The following MYBPC1 variants were observed in gnomAD, a reference collection of about 807,000 sequenced individuals.
MYBPC1 encodes myosin-binding protein C, slow-type.
Under a neutral mutation model 147.1 loss-of-function variants are expected in MYBPC1, and 52 were observed. The ratio of observed to expected loss-of-function variants is 0.35; its 90% CI spans 0.28 to 0.45. The LOEUF is 0.45. Ranked by LOEUF, MYBPC1 falls within the 20% of genes least tolerant of loss-of-function variation. The pLI is 1.00. For missense variants in MYBPC1, 1,228 were observed against 1,440.3 expected (o/e 0.85, Z 2.39); for synonymous variants, 477 against 475.9 (o/e 1.00, Z -0.03).
chr12:101,632,781 A>G (rs1628457), intron 8 of MYBPC1, among the ~76,000 whole-genome samples: 94,938 of 152,156 alleles, frequency 0.62, 30,849 homozygotes, highest in African/African-American at 0.8. Context: ...CCAGGCTAGA[A>G]TCTAGTGGCA....
At position 101,659,740 on chromosome 12, in the gene MYBPC1, T is replaced by C. The variant is rs754139010; in HGVS notation, c.1836T>C (p.Asp612=). 16 of 1,614,124 alleles carry C rather than the reference T, an allele frequency of 9.9e-6. No individual in the cohort carries two copies. The highest frequency in any genetic ancestry group is 1.4e-5 in the Non-Finnish European group (16 of 1,179,976). The change falls in exon 19 of 32, where the codon GAT becomes GAC. Residue 612 remains aspartate (D), a synonymous_variant. Coordinates refer to ENST00000361466, the MANE Select transcript of MYBPC1 (RefSeq NM_002465.4). ...CTGATAGCAGCACTCTGGTCATTGA[T>C]ATAGCTGAAAGAGATGACTCTGGTG... ...SYPDSSTLVI[D]IAERDDSGVY... is the part of the protein sequence containing the mutation.
At chr12:101,631,483 G>GTGACA (rs752754686) in intron 6 of MYBPC1, 88 bp from the exon 7 acceptor site, 41,975 of 1,413,504 alleles carry the variant, frequency 0.03, 2,641 homozygotes, top group East Asian at 0.28. Context: ...ATATTCTGTA[G>GTGACA]TGCAGTCCCA....
chr12:101,631,137 C>T (rs1006833026), intron 6 of MYBPC1, among the ~76,000 whole-genome samples: 10 of 151,984 alleles, frequency 6.6e-5, no homozygotes, highest in African/African-American at 2.2e-4. Context: ...CTTCTCATCA[C>T]CTTGCCTAAT....
At chr12:101,648,803 A>G (rs187586594) in intron 14 of MYBPC1, among the ~76,000 whole-genome samples, 27 of 152,358 alleles carry the variant, frequency 1.8e-4, no homozygotes, top group Admixed American at 1.8e-3. Context: ...TAATCTTAAA[A>G]TTAAAAACTA....
chr12:101,683,141 A>G (rs11110961), intron 30 of MYBPC1, among the ~76,000 whole-genome samples: 364 of 144,350 alleles, frequency 2.5e-3, no homozygotes, highest in African/African-American at 8.6e-3. Context: ...TAGATCCAAT[A>G]TTTAGAGGCT....
Position 101,623,993 on chromosome 12 carries a change from A to C in MYBPC1, c.104-2879A>C, listed in dbSNP as rs1291835621. ...AAATTCAAAATGAACTAAGTTTGGG[A>C]GGTGCTAACGACCATATCATTTCTT... On this transcript the variant is annotated intron_variant, in intron 3 of 31. Coordinates refer to ENST00000361466, the MANE Select transcript of MYBPC1 (RefSeq NM_002465.4). Among the ~76,000 whole-genome samples the C allele has an allele frequency of 2.0e-5, 3 of 152,310 alleles. No individual in the cohort carries two copies. In the East Asian group the frequency reaches 5.8e-4, roughly 29 times the overall value.
intron 10 of MYBPC1, 77 bp downstream of exon 10, chr12:101,636,805 A>C: frequency 8.3e-7 from 1 of 1,197,852 alleles, no homozygotes; most frequent in Non-Finnish European, 1.2e-6. Context: ...TCAAGTTTAA[A>C]GTGGATGTTC....
the MYBPC1 span, among the ~76,000 whole-genome samples, chr12:101,694,432 C>A: frequency 1.3e-5 from 2 of 152,142 alleles, no homozygotes; most frequent in Non-Finnish European, 2.9e-5. Context: ...TATGTTGAAG[C>A]CGTAATCCTC....
chr12:101,654,812 A>G (rs1276969506), intron 18 of MYBPC1, among the ~76,000 whole-genome samples: 1 of 152,202 alleles, frequency 6.6e-6, no homozygotes, highest in Non-Finnish European at 1.5e-5. Context: ...TGAGTAGAGT[A>G]CTCAGGAAAG....
At chr12:101,615,294 C>A (rs1014147608) in intron 2 of MYBPC1, among the ~76,000 whole-genome samples, 1 of 152,146 alleles carries the variant, frequency 6.6e-6, no homozygotes, top group South Asian at 2.1e-4. Flanking sequence ...CCAAATAGCC[C>A]CAAGATGGAA....
chr12:101,647,190 A>G (rs1323610542), intron 13 of MYBPC1, among the ~76,000 whole-genome samples: 2 of 152,236 alleles, frequency 1.3e-5, no homozygotes, highest in East Asian at 1.9e-4. Context: ...ATTGATCACA[A>G]ATAGGTTTCT....
chr12:101,684,290 C>T (rs903101434), intron 30 of MYBPC1, 92 bp from the exon 31 acceptor site: 3 of 982,986 alleles, frequency 3.1e-6, no homozygotes, highest in East Asian at 2.4e-5. Context: ...TAATCATGAC[C>T]ATAATTTCAT....
intron 18 of MYBPC1, among the ~76,000 whole-genome samples, chr12:101,656,155 G>T (rs1403636291): frequency 6.6e-6 from 1 of 151,724 alleles, no homozygotes; most frequent in Non-Finnish European, 1.5e-5. Context: ...TGTAAACTAG[G>T]GAAACCACTT....
intron 19 of MYBPC1, chr12:101,660,033 A>T (rs1896258101): frequency 1.6e-6 from 1 of 636,642 alleles, no homozygotes; most frequent in African/African-American, 1.8e-5. Flanking sequence ...TAGCTCTCCA[A>T]AGTCATATTC....
chr12:101,656,612 A>G (rs1895587431), intron 18 of MYBPC1, among the ~76,000 whole-genome samples: 1 of 152,212 alleles, frequency 6.6e-6, no homozygotes, highest in Admixed American at 6.5e-5. Context: ...AATGAGCGTT[A>G]CATAATGATG....
chr12:101,647,141 C>A, intron 13 of MYBPC1: 1 of 479,830 alleles, frequency 2.1e-6, no homozygotes, highest in East Asian at 4.1e-5. Context: ...CTTTGAAACC[C>A]AACAGATTTT....
At chr12:101,625,916 T>C (rs1484696049) in intron 3 of MYBPC1, among the ~76,000 whole-genome samples, 1 of 151,594 alleles carries the variant, frequency 6.6e-6, no homozygotes, top group African/African-American at 2.4e-5. Flanking sequence ...AAACCCCGTC[T>C]CTACCAAAAA....
At chr12:101,636,953 A>C (rs1891105414) in intron 10 of MYBPC1, 1 of 380,896 alleles carries the variant, frequency 2.6e-6, no homozygotes, top group Non-Finnish European at 4.6e-6. Flanking sequence ...TAAATGTTTC[A>C]TGACTCTTCA....
At chr12:101,618,102 T>C (rs536371991) in intron 3 of MYBPC1, among the ~76,000 whole-genome samples, 1 of 152,362 alleles carries the variant, frequency 6.6e-6, no homozygotes, top group Admixed American at 6.5e-5. Context: ...GTTTCTCTTT[T>C]TCCTGGACAC....
Sources: gnomAD v4.1 joint callset for allele counts (sites outside exome capture counted in the v4.1 genomes callset) on GRCh38, gnomAD v4.1.1 for gene constraint, MANE v1.5 for transcripts, NCBI Gene and HGNC (gene_info 2026-07-23, HGNC 2026-07-21) for gene names.